The following CIB2 variants were observed in gnomAD, a reference collection of about 807,000 sequenced individuals.
The protein encoded by CIB2 is calcium and integrin-binding family member 2.
In CIB2, 19 loss-of-function variants were observed where a neutral mutation model predicts 23.1. That is an observed-to-expected ratio of 0.82 (90% confidence interval 0.57 to 1.21). CIB2 has a LOEUF of 1.21. CIB2 is among the 50% of genes most tolerant of loss of function. CIB2 has a pLI of 0.00. For missense variants in CIB2, 220 were observed against 241.5 expected, an observed-to-expected ratio of 0.91 and a Z score of 0.59; for synonymous variants, 94 against 91.7, an observed-to-expected ratio of 1.03 and a Z score of -0.14.
intron 1 of CIB2, among the ~76,000 whole-genome samples, chr15:78,127,329 T>C (rs1469976674): frequency 1.3e-5 from 2 of 152,136 alleles, no homozygotes; most frequent in African/African-American, 4.8e-5. Context: ...ACTGCTTGGT[T>C]CCTGACAGTA....
chr15:78,118,099 T>C (rs1257963538), intron 2 of CIB2, among the ~76,000 whole-genome samples: 3 of 152,182 alleles, frequency 2.0e-5, no homozygotes, highest in Non-Finnish European at 4.4e-5. Flanking sequence ...TATCTAATGA[T>C]ATTGAAAGTT....
At position 78,105,167 on chromosome 15, in the gene CIB2, T is replaced by A. The variant is rs2074046723; in HGVS notation, c.*144A>T. ...GGCCCCCTTCCTGGTTAAGGTTTTT[T>A]TTTTGCTGAAAGGGCCACAGGATAT... On this transcript the variant is annotated 3_prime_UTR_variant, in exon 6 of 6. Transcript: ENST00000258930. The A allele has an allele frequency of 2.6e-6, 3 of 1,167,434 alleles. No homozygotes were observed. In the African/African-American group the frequency reaches 4.7e-5, roughly 18 times the overall value. 72.3% of individuals were successfully genotyped at this position (1,167,434 alleles called of 1,614,324 possible).
Position 78,131,088 on chromosome 15 carries a change from C to G in CIB2, c.51+77G>C. 2 of 1,373,220 alleles carry G rather than the reference C, an allele frequency of 1.5e-6. No homozygotes were observed. Among genetic ancestry groups the G allele is most frequent in the Non-Finnish European group, 2.0e-6 (2 of 1,014,322 alleles). 85.1% of individuals were successfully genotyped at this position (1,373,220 alleles called of 1,614,324 possible). A position where few individuals can be genotyped will look rare whatever the true frequency, so the allele number is the denominator to read the frequency against. ...CTGGGAGAGCTGGCTCTCGGGAGGC[C>G]TCGGCCAGCGACCGAGAAAAGGGAG... On this transcript the variant is annotated intron_variant, in intron 1 of 5. Transcript: ENST00000258930. The surrounding 1 kb of genome is among the most constrained non-coding windows in gnomAD (Gnocchi z 5.8).
At chr15:78,120,091 CA>C (rs1345129515) in intron 2 of CIB2, among the ~76,000 whole-genome samples, 1 of 150,482 alleles carries the variant, frequency 6.6e-6, no homozygotes, top group East Asian at 2.0e-4. Flanking sequence ...TTTTTAGAGA[CA>C]GGGGTCTCAC....
chr15:78,123,424 G>T (rs2074344203), intron 2 of CIB2, among the ~76,000 whole-genome samples: 1 of 152,136 alleles, frequency 6.6e-6, no homozygotes, highest in Admixed American at 6.5e-5. Context: ...TTGTTACAAG[G>T]TCACAATGAG....
At chr15:78,129,733 T>G (rs758045290) in intron 1 of CIB2, among the ~76,000 whole-genome samples, 2 of 151,940 alleles carry the variant, frequency 1.3e-5, no homozygotes, top group African/African-American at 2.4e-5. Context: ...AAAGCACACA[T>G]GGCCCAGCCC....
chr15:78,123,260 G>A (rs938353113), intron 2 of CIB2, among the ~76,000 whole-genome samples: 8 of 152,154 alleles, frequency 5.3e-5, no homozygotes, highest in Non-Finnish European at 8.8e-5. Context: ...GGGACCCCTG[G>A]TCTAACAGAC....
At chr15:78,117,966 G>GAA (rs1330486839) in intron 2 of CIB2, among the ~76,000 whole-genome samples, 1 of 152,118 alleles carries the variant, frequency 6.6e-6, no homozygotes, top group African/African-American at 2.4e-5. Flanking sequence ...TTATGTGAAT[G>GAA]GTACCACAAG....
intron 1 of CIB2, among the ~76,000 whole-genome samples, chr15:78,127,392 G>T (rs1277673387): frequency 6.6e-6 from 1 of 152,198 alleles, no homozygotes; most frequent in African/African-American, 2.4e-5. Flanking sequence ...GGGTCATGAG[G>T]AGTGGAAGGG....
intron 2 of CIB2, among the ~76,000 whole-genome samples, chr15:78,116,336 A>G (rs1457923999): frequency 6.6e-6 from 1 of 151,876 alleles, no homozygotes; most frequent in Non-Finnish European, 1.5e-5. Flanking sequence ...GCATGGTGGT[A>G]TGTGCCTATA....
At position 78,126,151 on chromosome 15, in the gene CIB2, T is replaced by C. The variant is rs28707512; in HGVS notation, c.52-2412A>G. On this transcript the variant is annotated intron_variant, in intron 1 of 5. Coordinates refer to ENST00000258930, the MANE Select transcript of CIB2 (RefSeq NM_006383.4). Reference sequence around the variant, plus strand: ...CTTCCCTTTCCCCTGCCCCCCCCCCTTTTTTTTTTGAGACGGAGTCTTGCT... The same window carrying C: ...CTTCCCTTTCCCCTGCCCCCCCCCCCTTTTTTTTTGAGACGGAGTCTTGCT... 4.8e-3 allele frequency among the ~76,000 whole-genome samples: 395 copies of C among 81,858 alleles called. 2 individuals are homozygous for C. The highest frequency in any genetic ancestry group is 0.02 in the East Asian group (11 of 544). 53.7% of individuals were successfully genotyped at this position (81,858 alleles called of 152,430 possible).
In CIB2 at chr15:78,122,866, G is replaced by T. The variant is rs943252537; in HGVS notation, c.86+839C>A. ...TGCCTGAATGAGCAGAATGGTTAGG[G>T]CAGTGACAAGCTGCAGCACAGCTCT... On this transcript the variant is annotated intron_variant, in intron 2 of 5. Transcript: ENST00000258930. Among the ~76,000 whole-genome samples the T allele has an allele frequency of 2.6e-5, 4 of 152,326 alleles. No individual in the cohort carries two copies. In the South Asian group the frequency reaches 8.3e-4, roughly 32 times the overall value.
At position 78,105,295 on chromosome 15, in the gene CIB2, A is replaced by T; in HGVS notation, c.*16T>A. On this transcript the variant is annotated 3_prime_UTR_variant, in exon 6 of 6. Coordinates refer to ENST00000258930, the MANE Select transcript of CIB2 (RefSeq NM_006383.4). ...GGATGGTGGACTTCTAGGCCCCTAC[A>T]GCCTCGGCAGTGTCCTCAGATCCGG... 6.2e-7 allele frequency: 1 copy of T among 1,613,880 alleles called. No individual in the cohort carries two copies. The highest frequency in any genetic ancestry group is 8.5e-7 in the Non-Finnish European group (1 of 1,179,884).
intron 1 of CIB2, among the ~76,000 whole-genome samples, 170 bp from the exon 2 acceptor site, chr15:78,123,909 T>C (rs2141913747): frequency 6.6e-6 from 1 of 152,234 alleles, no homozygotes; most frequent in Admixed American, 6.5e-5. Context: ...CTGGCTCTAG[T>C]AGGTATAGAA....
chr15:78,107,993 G>A (rs759654124), intron 4 of CIB2, among the ~76,000 whole-genome samples: 8 of 152,012 alleles, frequency 5.3e-5, no homozygotes, highest in Non-Finnish European at 1.0e-4. Context: ...CCAACATGGT[G>A]AAACCCCATC....
chr15:78,129,170 A>C (rs1005692172), intron 1 of CIB2, among the ~76,000 whole-genome samples: 3 of 152,028 alleles, frequency 2.0e-5, no homozygotes, highest in Non-Finnish European at 4.4e-5. Context: ...GGTGTCACTT[A>C]GGGGAGAGGG....
intron 2 of CIB2, among the ~76,000 whole-genome samples, chr15:78,121,569 C>T (rs1234846447): frequency 9.9e-5 from 15 of 152,204 alleles, no homozygotes; most frequent in Middle Eastern, 3.4e-3. Flanking sequence ...GCAGTTACCC[C>T]GAGGCTGTTC....
intron 4 of CIB2, among the ~76,000 whole-genome samples, chr15:78,109,008 T>C (rs1221592664): frequency 1.3e-5 from 2 of 152,248 alleles, no homozygotes; most frequent in African/African-American, 2.4e-5. Flanking sequence ...CCACCCGACC[T>C]GGGATGGGTG....
intron 1 of CIB2, among the ~76,000 whole-genome samples, 181 bp downstream of exon 1, chr15:78,130,984 G>A (rs571845094): frequency 1.3e-4 from 20 of 152,268 alleles, no homozygotes; most frequent in African/African-American, 2.2e-4. Flanking sequence ...TTCCACCGGT[G>A]GGGAAACTGA....
Sources: allele counts gnomAD v4.1 joint callset (sites outside exome capture counted in the v4.1 genomes callset), GRCh38; gene constraint gnomAD v4.1.1; non-coding constraint Gnocchi (gnomAD v3.1); transcripts MANE v1.5; gene names NCBI Gene and HGNC (gene_info 2026-07-23, HGNC 2026-07-21).